ACE: variants seen among roughly 807,000 people sequenced by gnomAD.
The protein encoded by ACE is angiotensin I converting enzyme, also known as angiotensin-converting enzyme.
ACE carries 122 observed loss-of-function variants against 162.3 expected under a neutral mutation model. The ratio of observed to expected loss-of-function variants is 0.75; its 90% confidence interval spans 0.65 to 0.87. ACE has a LOEUF of 0.87. Among genes scored for constraint, ACE ranks in the 40% least tolerant of loss-of-function variants. ACE has a pLI of 0.00. For missense variants in ACE, 1,799 were observed against 1,735.1 expected, an observed-to-expected ratio of 1.04 and a Z score of -0.65; for synonymous variants, 796 against 720.6, an observed-to-expected ratio of 1.10 and a Z score of -1.68.
At chr17:63,480,985 GGGCCCCAGGGTACAGGTGCC>G (rs2049697720) in intron 5 of ACE, 86 bp from the exon 6 acceptor site, 19 of 1,106,344 alleles carry the variant, frequency 1.7e-5, no homozygotes, top group Non-Finnish European at 2.4e-5. Context: ...CAGCCCTTGA[GGGCCCCAGGGTACAGGTGCC>G]GGCCCCAGGG....
At position 63,489,139 on chromosome 17, in the gene ACE, G is replaced by T; in HGVS notation, c.2641+7G>T. On this transcript the variant is annotated splice_region_variant and intron_variant, in intron 17 of 24. Transcript: ENST00000290866. ...ATTCCTGCTCACCTGCTGGGTAAGG[G>T]CACATGTCGGGCCTTGAGGAGGGTA... 1 of 1,606,110 alleles carries T rather than the reference G, an allele frequency of 6.2e-7. No homozygotes were observed. The highest frequency in any genetic ancestry group is 1.1e-5 in the South Asian group (1 of 91,058).
Position 63,497,292 on chromosome 17 carries a change from A to G in ACE, c.3847A>G (p.Ile1283Val), listed in dbSNP as rs1268051765. 5 of 1,552,480 alleles carry G rather than the reference A, an allele frequency of 3.2e-6. No homozygotes were observed. Among genetic ancestry groups the G allele is most frequent in the Non-Finnish European group, 4.3e-6 (5 of 1,149,852 alleles). ...GGGCCTCAGCCAGCGGCTCTTCAGC[A>G]TCCGCCACCGCAGCCTCCACCGGCA... ...TLGLSQRLFSIRHRSLHRHSH... is the reference protein window; with the variant it reads ...TLGLSQRLFSVRHRSLHRHSH... The change falls in exon 25 of 25, where the codon ATC (isoleucine) becomes GTC (valine). Residue 1283 changes from isoleucine to valine, a missense_variant. Physicochemically the swap from Ile to Val is conservative, Grantham distance 29. Coordinates refer to ENST00000290866, the MANE Select transcript of ACE (RefSeq NM_000789.4).
rs563014977 is a variant in ACE at position 63,483,264 on chromosome 17, C to T, written c.1487+91C>T. ...GCCTCCTGCCCCAGCCAGTTCTAGCCTCTCCTCTCTAATGATGTCCCCCGC... is the reference window on the plus strand; with the variant it reads ...GCCTCCTGCCCCAGCCAGTTCTAGCTTCTCCTCTCTAATGATGTCCCCCGC... On this transcript the variant is annotated intron_variant, in intron 9 of 24. Coordinates refer to ENST00000290866, the MANE Select transcript of ACE (RefSeq NM_000789.4). 72 of 1,600,268 alleles carry T rather than the reference C, an allele frequency of 4.5e-5. No homozygotes were observed. In the African/African-American group the frequency reaches 5.1e-4, roughly 11 times the overall value.
At position 63,497,862 on chromosome 17, in the gene ACE, A is replaced by G; in HGVS notation, c.*496A>G. The G allele has an allele frequency of 3.6e-6, 1 of 280,908 alleles. No homozygotes were observed. The highest frequency in any genetic ancestry group is 1.1e-4 in the East Asian group (1 of 9,510). The allele number at this position is 280,908 out of a possible 1,614,324, so 17.4% of individuals were successfully genotyped here. A position where few individuals can be genotyped will look rare whatever the true frequency, so the allele number is the denominator to read the frequency against. On this transcript the variant is annotated 3_prime_UTR_variant, in exon 25 of 25. Coordinates refer to ENST00000290866, the MANE Select transcript of ACE (RefSeq NM_000789.4). ...CCCTGTCTGGCCCAAGCACTGACCCACGCGGACTCTGGGAAGCAGACATCC... is the reference window on the plus strand; with the variant it reads ...CCCTGTCTGGCCCAAGCACTGACCCGCGCGGACTCTGGGAAGCAGACATCC...
chr17:63,477,119 G>A lies in ACE; in HGVS notation c.25G>A (p.Gly9Arg), dbSNP rs1320210312. 20 of 1,347,560 alleles carry A rather than the reference G, an allele frequency of 1.5e-5. No homozygotes were observed. The highest frequency in any genetic ancestry group is 1.8e-5 in the Non-Finnish European group (19 of 1,057,086). 83.5% of individuals were successfully genotyped at this position (1,347,560 alleles called of 1,614,324 possible). The stretch of plus-strand genomic sequence containing the variant: ...CATGGGGGCCGCCTCGGGCCGCCGG[G>A]GGCCGGGGCTGCTGCTGCCGCTGCC... The part of the protein sequence containing the change: MGAASGRR[G>R]PGLLLPLPLL... Residue 9 changes from glycine (G) to arginine (R), a missense_variant, in exon 1 of 25, where the codon GGG (glycine) becomes AGG (arginine). By Grantham distance (125) the Gly-to-Arg change is moderately radical. Transcript: ENST00000290866.
Position 63,484,718 on chromosome 17 carries a change from T to TC in ACE, c.1921+182dup. 2 of 1,451,928 alleles carry TC rather than the reference T, an allele frequency of 1.4e-6. No homozygotes were observed. Among genetic ancestry groups the TC allele is most frequent in the Non-Finnish European group, 1.8e-6 (2 of 1,106,190 alleles). The allele number at this position is 1,451,928 out of a possible 1,614,324, so 89.9% of individuals were successfully genotyped here. ...CTGCGAGTGGGGACAGGCATGTCTT[T>TC]CCCCCAGCATCCTAGAGAGGGTGTG... On this transcript the variant is annotated intron_variant, in intron 12 of 24. Transcript: ENST00000290866. The surrounding 1 kb of genome is among the most constrained non-coding windows in gnomAD (Gnocchi z 4.0).
At chr17:63,478,142 G>T (rs369526392) in intron 2 of ACE, 44 bp downstream of exon 2, 1 of 1,550,624 alleles carries the variant, frequency 6.4e-7, no homozygotes, top group Non-Finnish European at 8.7e-7. Context: ...GCCTCCTAGT[G>T]CCCCATCGTG....
At position 63,498,282 on chromosome 17, in the gene ACE, C is replaced by T. The variant is rs1182031857; in HGVS notation, c.*916C>T. On this transcript the variant is annotated 3_prime_UTR_variant, in exon 25 of 25. Transcript: ENST00000290866. ...TTGGAGGGAGTGTCATTTTAAGGGACATTTTTATGACTTTTATGTGTATGT... is the reference window on the plus strand; with the variant it reads ...TTGGAGGGAGTGTCATTTTAAGGGATATTTTTATGACTTTTATGTGTATGT... The T allele has an allele frequency of 6.6e-6, 1 of 152,200 alleles. No individual in the cohort carries two copies. The highest frequency in any genetic ancestry group is 1.5e-5 in the Non-Finnish European group (1 of 68,046). The allele number at this position is 152,200 out of a possible 1,614,324, so 9.4% of individuals were successfully genotyped here. A position where few individuals can be genotyped will look rare whatever the true frequency, so the allele number is the denominator to read the frequency against.
Position 63,494,468 on chromosome 17 carries a change from C to A in ACE, c.3378C>A (p.Ile1126=). 6.2e-7 allele frequency: 1 copy of A among 1,613,402 alleles called. No individual in the cohort carries two copies. Among genetic ancestry groups the A allele is most frequent in the Non-Finnish European group, 8.5e-7 (1 of 1,179,560 alleles). The change falls in exon 22 of 25, where the codon ATC becomes ATA. Residue 1126 remains isoleucine (I), a splice_region_variant and synonymous_variant. Transcript: ENST00000290866. ...KFHIPSSVPY[I]RYFVSFIIQF... Reference sequence around the variant, plus strand: ...ACATTCCTTCTAGCGTGCCTTACATCAGGTAACGGGAAAGGCAGGAGGGCA... The same window carrying A: ...ACATTCCTTCTAGCGTGCCTTACATAAGGTAACGGGAAAGGCAGGAGGGCA...
intron 2 of ACE, 113 bp downstream of exon 2, chr17:63,478,211 T>G: frequency 7.3e-7 from 1 of 1,369,198 alleles, no homozygotes; most frequent in South Asian, 1.4e-5. Context: ...ACATGGGCCC[T>G]GACAGAAGGG....
In ACE at chr17:63,491,204, T is replaced by C; in HGVS notation, c.2740-5T>C. On this transcript the variant is annotated splice_polypyrimidine_tract_variant and splice_region_variant and intron_variant, in intron 18 of 24. Transcript: ENST00000290866. The surrounding 1 kb of genome is among the most constrained non-coding windows in gnomAD (Gnocchi z 4.4). ...CAGTTTGGGCAGAACTCCCTCTGCT[T>C]GCAGGGCTGGACGCCCAGGAGGATG... is the stretch of plus-strand genomic sequence containing the variant. 1 of 1,613,938 alleles carries C rather than the reference T, an allele frequency of 6.2e-7. No homozygotes were observed. The highest frequency in any genetic ancestry group is 8.5e-7 in the Non-Finnish European group (1 of 1,180,014).
chr17:63,482,555 A>T lies in ACE; in HGVS notation c.1208A>T (p.Asp403Val), dbSNP rs763292265. ...GHIQYYLQYK[D>V]LPVSLRRGAN... Reference sequence around the variant, plus strand: ...ATACAGTACTACCTGCAGTACAAGGATCTGCCCGTCTCCCTGCGTCGGGGG... The same window carrying T: ...ATACAGTACTACCTGCAGTACAAGGTTCTGCCCGTCTCCCTGCGTCGGGGG... The change falls in exon 8 of 25, where the codon GAT (aspartate) becomes GTT (valine). Residue 403 changes from aspartate to valine, a missense_variant. Coordinates refer to ENST00000290866, the MANE Select transcript of ACE (RefSeq NM_000789.4). 1 of 1,614,100 alleles carries T rather than the reference A, an allele frequency of 6.2e-7. No individual in the cohort carries two copies. Among genetic ancestry groups the T allele is most frequent in the Non-Finnish European group, 8.5e-7 (1 of 1,180,010 alleles).
chr17:63,497,529 C>G lies in ACE; in HGVS notation c.*163C>G. On this transcript the variant is annotated 3_prime_UTR_variant, in exon 25 of 25. Transcript: ENST00000290866. ...CCAGTCCTCCAGACCACCAGCCGCCCCAGCCCCTTCTCCCAGCACACGGCT... is the reference window on the plus strand; with the variant it reads ...CCAGTCCTCCAGACCACCAGCCGCCGCAGCCCCTTCTCCCAGCACACGGCT... 1 of 726,832 alleles carries G rather than the reference C, an allele frequency of 1.4e-6. No individual in the cohort carries two copies. The highest frequency in any genetic ancestry group is 2.5e-6 in the Non-Finnish European group (1 of 407,678). 45.0% of individuals were successfully genotyped at this position (726,832 alleles called of 1,614,324 possible). A position where few individuals can be genotyped will look rare whatever the true frequency, so the allele number is the denominator to read the frequency against.
Position 63,486,442 on chromosome 17 carries a change from A to C in ACE, c.2059-115A>C, listed in dbSNP as rs933315306. 34 of 1,172,150 alleles carry C rather than the reference A, an allele frequency of 2.9e-5. No individual in the cohort carries two copies. In the African/African-American group the frequency reaches 4.1e-4, roughly 14 times the overall value. 72.6% of individuals were successfully genotyped at this position (1,172,150 alleles called of 1,614,324 possible). A position where few individuals can be genotyped will look rare whatever the true frequency, so the allele number is the denominator to read the frequency against. ...GTCTTATAGGCAAAGGTTGCAACTT[A>C]ATTCCACTGCCCCCTCACCACCACC... On this transcript the variant is annotated intron_variant, in intron 13 of 24. Coordinates refer to ENST00000290866, the MANE Select transcript of ACE (RefSeq NM_000789.4).
At chr17:63,479,711 G>A in intron 3 of ACE, 58 bp from the exon 4 acceptor site, 10 of 1,601,766 alleles carry the variant, frequency 6.2e-6, no homozygotes, top group Middle Eastern at 1.7e-4. Context: ...TCTGGTGAAG[G>A]CCGTTGAAGA....
chr17:63,483,808 GC>G, intron 10 of ACE, 40 bp from the exon 11 acceptor site: 6 of 1,613,304 alleles, frequency 3.7e-6, no homozygotes, highest in South Asian at 2.2e-5. Context: ...CCTGTTCCTG[GC>G]CCCCCATGAT....
At position 63,491,319 on chromosome 17, in the gene ACE, C is replaced by G. The variant is rs746927014; in HGVS notation, c.2850C>G (p.Thr950=). The G allele has an allele frequency of 2.5e-6, 4 of 1,614,146 alleles. No individual in the cohort carries two copies. In the South Asian group the frequency reaches 3.3e-5, roughly 13 times the overall value. Reference sequence around the variant, plus strand: ...ACAAGTCGATGCTGGAGAAGCCAACCGACGGGCGGGAGGTGGTCTGCCACG... The same window carrying G: ...ACAAGTCGATGCTGGAGAAGCCAACGGACGGGCGGGAGGTGGTCTGCCACG... ...FWNKSMLEKP[T]DGREVVCHAS... Residue 950 remains threonine, a synonymous_variant, in exon 19 of 25, where the codon ACC becomes ACG. Transcript: ENST00000290866. The surrounding 1 kb of genome is among the most constrained non-coding windows in gnomAD (Gnocchi z 4.4).
At position 63,484,289 on chromosome 17, in the gene ACE, C is replaced by T; in HGVS notation, c.1710-41C>T. 6.3e-7 allele frequency: 1 copy of T among 1,586,034 alleles called. No homozygotes were observed. Among genetic ancestry groups the T allele is most frequent in the Non-Finnish European group, 8.6e-7 (1 of 1,168,138 alleles). On this transcript the variant is annotated intron_variant, in intron 11 of 24. Coordinates refer to ENST00000290866, the MANE Select transcript of ACE (RefSeq NM_000789.4). The surrounding 1 kb of genome is among the most constrained non-coding windows in gnomAD (Gnocchi z 4.0). ...GCCGGGGTCCAGGAGCAGACTCCAG[C>T]CTGAGTCCCCTGTGCCCATGGTACC...
At position 63,489,142 on chromosome 17, in the gene ACE, CAT is replaced by C; in HGVS notation, c.2641+11_2641+12del. ...CCTGCTCACCTGCTGGGTAAGGGCA[CAT>C]GTCGGGCCTTGAGGAGGGTAAAGAC... On this transcript the variant is annotated intron_variant, in intron 17 of 24. Coordinates refer to ENST00000290866, the MANE Select transcript of ACE (RefSeq NM_000789.4). 6.2e-7 allele frequency: 1 copy of C among 1,605,534 alleles called. No homozygotes were observed. Among genetic ancestry groups the C allele is most frequent in the South Asian group, 1.1e-5 (1 of 91,056 alleles).
Sources: allele counts gnomAD v4.1 joint callset, GRCh38; gene constraint gnomAD v4.1.1; non-coding constraint Gnocchi (gnomAD v3.1); transcripts MANE v1.5; gene names NCBI Gene and HGNC (gene_info 2026-07-23, HGNC 2026-07-21).